PTPRD: variants seen among roughly 807,000 people sequenced by gnomAD.
The protein encoded by PTPRD is protein tyrosine phosphatase receptor type D.
PTPRD carries 34 observed loss-of-function variants against 214.5 expected under a neutral mutation model. The observed-to-expected ratio is 0.16, with a 90% CI of 0.12 to 0.21. PTPRD has a LOEUF of 0.21. Among genes scored for constraint, PTPRD ranks in the 10% least tolerant of loss-of-function variants. PTPRD has a pLI of 1.00. For missense variants in PTPRD, 2,545 were observed against 2,398.7 expected, an observed-to-expected ratio of 1.06 and a Z score of -1.27; for synonymous variants, 1,128 against 845.7, an observed-to-expected ratio of 1.33 and a Z score of -5.79.
chr9:10,193,884 CAT>C (rs1404827849), intron 3 of PTPRD, among the ~76,000 whole-genome samples: 3 of 151,988 alleles, frequency 2.0e-5, no homozygotes, highest in Non-Finnish European at 2.9e-5. Context: ...ATTAAGGAAA[CAT>C]AGAATCACAT....
At chr9:8,595,065 G>A (rs145858414) in intron 14 of PTPRD, among the ~76,000 whole-genome samples, 17 of 150,860 alleles carry the variant, frequency 1.1e-4, no homozygotes, top group African/African-American at 3.7e-4. Flanking sequence ...TGGTTTCTCC[G>A]TGTTAGCCAA....
At chr9:9,279,749 C>T (rs1051375102) in intron 9 of PTPRD, among the ~76,000 whole-genome samples, 2 of 150,974 alleles carry the variant, frequency 1.3e-5, no homozygotes, top group South Asian at 4.1e-4. Context: ...CCTGGAGTAA[C>T]TACAAATAAG....
chr9:8,427,377 T>C (rs2131951377), intron 35 of PTPRD, among the ~76,000 whole-genome samples: 1 of 152,306 alleles, frequency 6.6e-6, no homozygotes, highest in African/African-American at 2.4e-5. Context: ...CTCCTGTTGT[T>C]GATACTAGCA....
At chr9:8,522,355 G>C (rs983551689) in intron 19 of PTPRD, among the ~76,000 whole-genome samples, 1 of 152,192 alleles carries the variant, frequency 6.6e-6, no homozygotes, top group African/African-American at 2.4e-5. Flanking sequence ...TATAACGATT[G>C]AAACACAGGG....
chr9:9,547,341 A>T (rs1229674158), intron 8 of PTPRD, among the ~76,000 whole-genome samples: 1 of 152,062 alleles, frequency 6.6e-6, no homozygotes, highest in Non-Finnish European at 1.5e-5. Flanking sequence ...TTCCAAATAA[A>T]CATCTTTTTC....
At chr9:10,275,454 G>T (rs1040786337) in intron 3 of PTPRD, among the ~76,000 whole-genome samples, 5 of 151,920 alleles carry the variant, frequency 3.3e-5, no homozygotes, top group Non-Finnish European at 7.4e-5. Context: ...AGAGAGAATT[G>T]ATGTACTTAT....
chr9:10,504,670 G>C (rs1312567312), intron 2 of PTPRD, among the ~76,000 whole-genome samples: 1 of 152,086 alleles, frequency 6.6e-6, no homozygotes, highest in Admixed American at 6.6e-5. Flanking sequence ...CCTTTTATCA[G>C]CATTTTATAG....
At chr9:9,565,966 A>G (rs2084389062) in intron 8 of PTPRD, among the ~76,000 whole-genome samples, 2 of 152,104 alleles carry the variant, frequency 1.3e-5, no homozygotes, top group East Asian at 1.9e-4. Context: ...ACAGGCCAGA[A>G]GTGTCAGATG....
chr9:10,117,101 T>C (rs10958888), intron 3 of PTPRD, among the ~76,000 whole-genome samples: 19,278 of 152,158 alleles, frequency 0.13, 1,299 homozygotes, highest in South Asian at 0.28. Flanking sequence ...GGAATTTGTA[T>C]CTTCTTTTTT....
At chr9:10,048,321 C>A (rs545877048) in intron 3 of PTPRD, among the ~76,000 whole-genome samples, 1 of 152,144 alleles carries the variant, frequency 6.6e-6, no homozygotes, top group Non-Finnish European at 1.5e-5. Flanking sequence ...TCAAGACTCA[C>A]TAGCCCCCAG....
At chr9:10,081,290 G>C (rs923869907) in intron 3 of PTPRD, among the ~76,000 whole-genome samples, 17 of 152,198 alleles carry the variant, frequency 1.1e-4, no homozygotes, top group Admixed American at 1.1e-3. Context: ...TAGTTACCTA[G>C]ATATTGAAGA....
chr9:8,789,673 CA>C (rs146586303), intron 11 of PTPRD, among the ~76,000 whole-genome samples: 7,290 of 150,458 alleles, frequency 0.048, 373 homozygotes, highest in African/African-American at 0.13. Context: ...TATTGAGGGG[CA>C]AAAAAAATCA....
chr9:9,806,531 T>G (rs1381130954), intron 5 of PTPRD, among the ~76,000 whole-genome samples: 1 of 152,044 alleles, frequency 6.6e-6, no homozygotes, highest in African/African-American at 2.4e-5. Context: ...CTTTGTAACA[T>G]CCATCCCCTG....
chr9:8,590,069 G>C (rs962929603), intron 14 of PTPRD, among the ~76,000 whole-genome samples: 2 of 151,934 alleles, frequency 1.3e-5, no homozygotes, highest in African/African-American at 4.8e-5. Context: ...TATGACCTAG[G>C]CCATACTTAA....
At chr9:10,002,360 T>A (rs960013690) in intron 4 of PTPRD, among the ~76,000 whole-genome samples, 2 of 145,806 alleles carry the variant, frequency 1.4e-5, no homozygotes, top group Admixed American at 1.4e-4. Flanking sequence ...ATATAAAGAA[T>A]TCCAATTTAA....
chr9:8,929,931 GTA>G (rs34804238), intron 11 of PTPRD, among the ~76,000 whole-genome samples: 18,048 of 143,284 alleles, frequency 0.13, 3,546 homozygotes, highest in South Asian at 0.21. Context: ...ATATATATGT[GTA>G]TATATATATG....
chr9:10,333,721 G>T (rs549768973), intron 3 of PTPRD, among the ~76,000 whole-genome samples: 24 of 151,910 alleles, frequency 1.6e-4, no homozygotes, highest in African/African-American at 5.5e-4. Flanking sequence ...TTCTTGCAAA[G>T]ATATTACTAA....
At chr9:10,048,038 G>C (rs907290608) in intron 3 of PTPRD, among the ~76,000 whole-genome samples, 18 of 152,108 alleles carry the variant, frequency 1.2e-4, no homozygotes, top group African/African-American at 4.1e-4. Flanking sequence ...TCTCTGAGTT[G>C]TATGCTAGCT....
chr9:9,613,123 TATAC>T (rs1261914205), intron 7 of PTPRD, among the ~76,000 whole-genome samples: 1,583 of 42,816 alleles, frequency 0.037, 125 homozygotes, highest in Middle Eastern at 0.06. Flanking sequence ...TAGGCTGCAG[TATAC>T]ATACATACAT....
Sources: gnomAD v4.1 joint callset for allele counts (sites outside exome capture counted in the v4.1 genomes callset) on GRCh38, gnomAD v4.1.1 for gene constraint, MANE v1.5 for transcripts, NCBI Gene and HGNC (gene_info 2026-07-23, HGNC 2026-07-21) for gene names.